Variants in TMEM132D observed in about 807,000 individuals in gnomAD.
TMEM132D encodes mature OL transmembrane protein.
TMEM132D carries 21 observed loss-of-function variants against 62.3 expected under a neutral mutation model. That is an observed-to-expected ratio of 0.34 (90% CI 0.24 to 0.49). TMEM132D has a LOEUF of 0.49. Ranked by LOEUF, TMEM132D falls within the 20% of genes least tolerant of loss-of-function variation. The probability of loss-of-function intolerance (pLI) is 0.99; values close to 1 mark genes in which losing one functional copy is unlikely to be tolerated. For missense variants in TMEM132D, 1,346 were observed against 1,402.8 expected, an observed-to-expected ratio of 0.96 and a Z score of 0.65; for synonymous variants, 621 against 575.6, an observed-to-expected ratio of 1.08 and a Z score of -1.13.
intron 4 of TMEM132D, among the ~76,000 whole-genome samples, chr12:129,302,926 C>T (rs1566026925): frequency 6.6e-6 from 1 of 152,196 alleles, no homozygotes; most frequent in Non-Finnish European, 1.5e-5. Flanking sequence ...TTTCTAGTCT[C>T]GTTTTCCTTG....
chr12:129,328,671 C>T (rs1415733345), intron 4 of TMEM132D, among the ~76,000 whole-genome samples: 2 of 151,964 alleles, frequency 1.3e-5, no homozygotes, highest in Non-Finnish European at 2.9e-5. Context: ...TTCAATAAGA[C>T]TTCTCAATTT....
intron 3 of TMEM132D, among the ~76,000 whole-genome samples, chr12:129,359,848 A>G (rs1052645699): frequency 6.6e-6 from 1 of 152,176 alleles, no homozygotes; most frequent in Non-Finnish European, 1.5e-5. Context: ...GGCAGAAGTC[A>G]CACAGGCACT....
intron 1 of TMEM132D, among the ~76,000 whole-genome samples, chr12:129,761,683 C>A (rs977288221): frequency 1.3e-5 from 2 of 152,210 alleles, no homozygotes; most frequent in Admixed American, 1.3e-4. Context: ...AGTATTCCCA[C>A]GCGGTCTGCT....
At chr12:129,279,831 T>C (rs1437725598) in intron 4 of TMEM132D, among the ~76,000 whole-genome samples, 3 of 152,256 alleles carry the variant, frequency 2.0e-5, no homozygotes, top group Admixed American at 2.0e-4. Flanking sequence ...AATTCACTTC[T>C]AAATGACATG....
Position 129,721,968 on chromosome 12 carries a change from C to T in TMEM132D, c.80-21270G>A, listed in dbSNP as rs142900702. Among the ~76,000 whole-genome samples, 319 of 152,286 alleles carry T rather than the reference C, an allele frequency of 2.1e-3. 2 individuals carry two copies. The highest frequency in any genetic ancestry group is 6.9e-3 in the African/African-American group (286 of 41,552). On this transcript the variant is annotated intron_variant, in intron 1 of 8. Transcript: ENST00000422113. The stretch of plus-strand genomic sequence containing the variant: ...TTTGTCTATAACCACAACTTAATTG[C>T]CCATGTAAATTTTAATCCTGCAGCA...
chr12:129,236,225 T>C, intron 4 of TMEM132D, among the ~76,000 whole-genome samples: 1 of 151,618 alleles, frequency 6.6e-6, no homozygotes. Flanking sequence ...TAGTTCAGTA[T>C]TGGTGTATGG....
At chr12:129,553,808 T>C (rs945491390) in intron 2 of TMEM132D, among the ~76,000 whole-genome samples, 1 of 152,218 alleles carries the variant, frequency 6.6e-6, no homozygotes, top group Admixed American at 6.5e-5. Flanking sequence ...TGTTTCCTCA[T>C]GATCACAGAC....
At chr12:129,715,563 T>C (rs148392320) in intron 1 of TMEM132D, among the ~76,000 whole-genome samples, 177 of 152,334 alleles carry the variant, frequency 1.2e-3, no homozygotes, top group Admixed American at 2.2e-3. Flanking sequence ...AAATCATTTC[T>C]ATCTGGTACA....
At chr12:129,585,356 C>G (rs1457618952) in intron 2 of TMEM132D, among the ~76,000 whole-genome samples, 1 of 152,212 alleles carries the variant, frequency 6.6e-6, no homozygotes, top group Non-Finnish European at 1.5e-5. Flanking sequence ...GCCACACACT[C>G]AAAACCACCC....
chr12:129,308,545 A>T (rs1203022399), intron 4 of TMEM132D, among the ~76,000 whole-genome samples: 2 of 152,238 alleles, frequency 1.3e-5, no homozygotes, highest in African/African-American at 4.8e-5. Flanking sequence ...AGCAGGGCTT[A>T]CTTCCTATCA....
intron 3 of TMEM132D, among the ~76,000 whole-genome samples, chr12:129,340,685 A>T (rs973184082): frequency 1.3e-5 from 2 of 152,126 alleles, no homozygotes; most frequent in Admixed American, 6.6e-5. Flanking sequence ...TATGTGCCAC[A>T]TTTTCTTAAT....
chr12:129,693,155 G>T (rs1451423399), intron 2 of TMEM132D, among the ~76,000 whole-genome samples: 1 of 152,102 alleles, frequency 6.6e-6, no homozygotes, highest in African/African-American at 2.4e-5. Flanking sequence ...GAAACTAGAT[G>T]CTTACTCACT....
intron 4 of TMEM132D, among the ~76,000 whole-genome samples, chr12:129,302,554 A>G (rs1029296914): frequency 6.6e-6 from 1 of 152,168 alleles, no homozygotes; most frequent in African/African-American, 2.4e-5. Context: ...TGCAGGCTGG[A>G]GTCTGTGGGT....
intron 3 of TMEM132D, among the ~76,000 whole-genome samples, chr12:129,345,973 C>T (rs10773638): frequency 0.48 from 72,862 of 151,956 alleles, 18,473 homozygotes; most frequent in Non-Finnish European, 0.56. Flanking sequence ...AGGGAGGAGT[C>T]CCTCTTTTTC....
chr12:129,301,870 C>G (rs1881723297), intron 4 of TMEM132D, among the ~76,000 whole-genome samples: 1 of 152,034 alleles, frequency 6.6e-6, no homozygotes, highest in Non-Finnish European at 1.5e-5. Context: ...GACTCTTAAG[C>G]ACCATATTCT....
At chr12:129,625,028 T>C (rs914801352) in intron 2 of TMEM132D, among the ~76,000 whole-genome samples, 2 of 152,236 alleles carry the variant, frequency 1.3e-5, no homozygotes, top group African/African-American at 4.8e-5. Flanking sequence ...GCTTGACAGA[T>C]GCCTTCACAT....
Position 129,392,491 on chromosome 12 carries a change from G to T in TMEM132D, c.1116-54674C>A, listed in dbSNP as rs569591027. Among the ~76,000 whole-genome samples the T allele has an allele frequency of 6.6e-5, 10 of 152,324 alleles. No individual in the cohort carries two copies. In the South Asian group the frequency reaches 2.1e-3, roughly 32 times the overall value. The stretch of plus-strand genomic sequence containing the variant: ...GATCCTTCCTCCTCAAAGAGATTCT[G>T]GTCTCATGGGCCTGCACATCCACAT... On this transcript the variant is annotated intron_variant, in intron 3 of 8. Transcript: ENST00000422113.
chr12:129,125,255 A>G (rs1876179442), intron 5 of TMEM132D, among the ~76,000 whole-genome samples: 1 of 152,180 alleles, frequency 6.6e-6, no homozygotes, highest in Admixed American at 6.5e-5. Context: ...CTCCTAATAG[A>G]AATTGTGTGT....
At chr12:129,858,838 G>A (rs71466453) in intron 1 of TMEM132D, among the ~76,000 whole-genome samples, 109 of 59,786 alleles carry the variant, frequency 1.8e-3, no homozygotes, top group Admixed American at 2.4e-3. Context: ...GTCCGGGGGA[G>A]CGGGATGGGT....
Sources: allele counts gnomAD v4.1 joint callset (sites outside exome capture counted in the v4.1 genomes callset), GRCh38; gene constraint gnomAD v4.1.1; transcripts MANE v1.5; gene names NCBI Gene and HGNC (gene_info 2026-07-23, HGNC 2026-07-21).